Variants in PIP4K2A observed in about 807,000 individuals in gnomAD.
The protein encoded by PIP4K2A is phosphatidylinositol 5-phosphate 4-kinase type-2 alpha.
PIP4K2A carries 14 observed loss-of-function variants against 42.9 expected under a neutral mutation model. The ratio of observed to expected loss-of-function variants is 0.33; its 90% CI spans 0.22 to 0.51. The LOEUF is 0.51. PIP4K2A is among the 20% of genes least tolerant of loss of function. The pLI, the probability that PIP4K2A is intolerant of heterozygous loss-of-function variation, is 0.97. For missense variants in PIP4K2A, 434 were observed against 519.8 expected (o/e 0.83, Z 1.61); for synonymous variants, 192 against 192.2 (o/e 1.00, Z 0.01).
chr10:22,711,132 G>A (rs1414764743), intron 1 of PIP4K2A, among the ~76,000 whole-genome samples: 1 of 152,172 alleles, frequency 6.6e-6, no homozygotes, highest in Non-Finnish European at 1.5e-5. Context: ...TCACTGATGG[G>A]TATTTTAAGT....
At chr10:22,560,157 A>C (rs1205981127) in intron 6 of PIP4K2A, among the ~76,000 whole-genome samples, 2 of 152,182 alleles carry the variant, frequency 1.3e-5, no homozygotes, top group Non-Finnish European at 2.9e-5. Context: ...ATCTCGGAAG[A>C]AAAGGAATTT....
intron 3 of PIP4K2A, among the ~76,000 whole-genome samples, chr10:22,596,485 G>C (rs1010117394): frequency 1.3e-5 from 2 of 152,314 alleles, no homozygotes; most frequent in East Asian, 1.9e-4. Flanking sequence ...CAGGGAAGGA[G>C]GTCTTATATC....
At position 22,591,663 on chromosome 10, in the gene PIP4K2A, G is replaced by A. The variant is rs200930851; in HGVS notation, c.458C>T (p.Ala153Val). 5 of 1,609,952 alleles carry A rather than the reference G, an allele frequency of 3.1e-6. No homozygotes were observed. The highest frequency in any genetic ancestry group is 4.2e-6 in the Non-Finnish European group (5 of 1,177,782). The change falls in exon 4 of 10, where the codon GCC (alanine) becomes GTC (valine). Residue 153 changes from alanine (A) to valine (V), a missense_variant. Physicochemically the swap from Ala to Val is moderately conservative, Grantham distance 64. Transcript: ENST00000376573. ...TTTCTTCAGGATGTTGTGCATTTCG[G>A]CCACGTCTTCACTGGTAATAGTCTT... is the stretch of plus-strand genomic sequence containing the variant. Reference protein sequence around the residue: ...IIKTITSEDVAEMHNILKKYH... With the variant: ...IIKTITSEDVVEMHNILKKYH...
chr10:22,627,591 T>TAAAAAAAAAAAAAAAAAAAAAAAAAAA lies in PIP4K2A; in HGVS notation c.145-17901_145-17875dup, dbSNP rs57671642. Among the ~76,000 whole-genome samples the TAAAAAAAAAAAAAAAAAAAAAAAAAAA allele has an allele frequency of 8.9e-4, 51 of 57,028 alleles. 8 individuals carry two copies. Among genetic ancestry groups the TAAAAAAAAAAAAAAAAAAAAAAAAAAA allele is most frequent in the South Asian group, 1.7e-3 (2 of 1,212 alleles). 37.4% of individuals were successfully genotyped at this position (57,028 alleles called of 152,430 possible). A position where few individuals can be genotyped will look rare whatever the true frequency, so the allele number is the denominator to read the frequency against. ...TGTTTAACCAAAAGCTAATATGTAA[T>TAAAAAAAAAAAAAAAAAAAAAAAAAAA]AAAAAAAAAAAAAAAAAAAAAAAAA... On this transcript the variant is annotated intron_variant, in intron 1 of 9. Transcript: ENST00000376573.
At chr10:22,685,371 GTCATGA>G (rs1435900087) in intron 1 of PIP4K2A, among the ~76,000 whole-genome samples, 7 of 152,062 alleles carry the variant, frequency 4.6e-5, no homozygotes, top group Non-Finnish European at 1.0e-4. Context: ...TGAAATTTTG[GTCATGA>G]CAGAATCAAA....
chr10:22,701,077 T>G (rs1833706546), intron 1 of PIP4K2A, among the ~76,000 whole-genome samples: 2 of 152,108 alleles, frequency 1.3e-5, no homozygotes, highest in Non-Finnish European at 2.9e-5. Flanking sequence ...CCACGCTAAT[T>G]CAATTCTTGA....
chr10:22,677,459 C>T (rs1839581099), intron 1 of PIP4K2A, among the ~76,000 whole-genome samples: 1 of 152,134 alleles, frequency 6.6e-6, no homozygotes, highest in African/African-American at 2.4e-5. Flanking sequence ...TCTCAGGCTG[C>T]ATTTTACACT....
At chr10:22,638,781 A>G (rs1054363136) in intron 1 of PIP4K2A, among the ~76,000 whole-genome samples, 22 of 152,326 alleles carry the variant, frequency 1.4e-4, no homozygotes, top group African/African-American at 4.8e-4. Flanking sequence ...AGTGAAGGAC[A>G]AAGTCCAAAA....
chr10:22,711,599 C>G (rs1211165969), intron 1 of PIP4K2A, among the ~76,000 whole-genome samples: 1 of 152,234 alleles, frequency 6.6e-6, no homozygotes, highest in African/African-American at 2.4e-5. Context: ...TTAACATGCC[C>G]AAGGTCAACA....
intron 1 of PIP4K2A, among the ~76,000 whole-genome samples, chr10:22,666,865 T>C (rs542704097): frequency 4.1e-4 from 62 of 152,324 alleles, no homozygotes; most frequent in African/African-American, 1.4e-3. Flanking sequence ...TATACCAATA[T>C]AGCATCAGAA....
chr10:22,616,136 G>A lies in PIP4K2A; in HGVS notation c.145-6419C>T, dbSNP rs911895529. ...GGGTCAAACGGGGCGGAGAGGGCTAGTGCAGAGCGCCAAAATGTCCCTGAT... is the reference window on the plus strand; with the variant it reads ...GGGTCAAACGGGGCGGAGAGGGCTAATGCAGAGCGCCAAAATGTCCCTGAT... On this transcript the variant is annotated intron_variant, in intron 1 of 9. Transcript: ENST00000376573. 1.2e-4 allele frequency among the ~76,000 whole-genome samples: 19 copies of A among 152,296 alleles called. No homozygotes were observed. The East Asian group carries it at 1.9e-3, about 15-fold the overall frequency.
At chr10:22,665,986 C>T (rs1403653902) in intron 1 of PIP4K2A, among the ~76,000 whole-genome samples, 1 of 152,048 alleles carries the variant, frequency 6.6e-6, no homozygotes, top group South Asian at 2.1e-4. Context: ...AGATGGCTTT[C>T]CAGGAATGCT....
chr10:22,569,118 T>G (rs1442847965), intron 5 of PIP4K2A: 5 of 1,172,926 alleles, frequency 4.3e-6, no homozygotes, highest in Non-Finnish European at 6.1e-6. Flanking sequence ...TTGACTAGGA[T>G]TGAGCTTCCT....
intron 1 of PIP4K2A, among the ~76,000 whole-genome samples, chr10:22,677,719 T>C (rs1839585318): frequency 6.6e-6 from 1 of 152,236 alleles, no homozygotes; most frequent in Non-Finnish European, 1.5e-5. Context: ...TACAAACTAT[T>C]CACTTAGCTT....
At chr10:22,592,392 G>A (rs1451974702) in intron 3 of PIP4K2A, among the ~76,000 whole-genome samples, 1 of 152,184 alleles carries the variant, frequency 6.6e-6, no homozygotes, top group Non-Finnish European at 1.5e-5. Context: ...TACTCAACTA[G>A]TAAAGTACTT....
intron 6 of PIP4K2A, 28 bp downstream of exon 6, chr10:22,567,823 A>G (rs746312768): frequency 2.5e-6 from 4 of 1,580,114 alleles, no homozygotes; most frequent in African/African-American, 1.3e-5. Flanking sequence ...CCCCCAGGAC[A>G]TGGGGAGACA....
At chr10:22,562,404 C>A (rs1274366133) in intron 6 of PIP4K2A, among the ~76,000 whole-genome samples, 1 of 152,074 alleles carries the variant, frequency 6.6e-6, no homozygotes, top group African/African-American at 2.4e-5. Context: ...AAAAAATTAG[C>A]CAAGCGTAGT....
intron 1 of PIP4K2A, among the ~76,000 whole-genome samples, chr10:22,671,947 T>G (rs1274025404): frequency 6.6e-6 from 1 of 152,240 alleles, no homozygotes; most frequent in Admixed American, 6.5e-5. Flanking sequence ...TATTTGTTAA[T>G]GTGAAATAAT....
At chr10:22,713,450 G>T (rs1415613277) in intron 1 of PIP4K2A, among the ~76,000 whole-genome samples, 1 of 152,052 alleles carries the variant, frequency 6.6e-6, no homozygotes, top group Non-Finnish European at 1.5e-5. Flanking sequence ...AAAGTGGGGG[G>T]AGGCGACGAA....
Sources: gnomAD v4.1 joint callset for allele counts (sites outside exome capture counted in the v4.1 genomes callset) on GRCh38, gnomAD v4.1.1 for gene constraint, MANE v1.5 for transcripts, NCBI Gene and HGNC (gene_info 2026-07-23, HGNC 2026-07-21) for gene names.